ADGRF1: variants seen among roughly 807,000 people sequenced by gnomAD.
ADGRF1 encodes the protein adhesion G protein-coupled receptor F1, also known as G protein-coupled receptor 110.
A neutral mutation model predicts 87.2 loss-of-function variants in ADGRF1; 85 were observed. The observed-to-expected ratio is 0.97, with a 90% CI of 0.82 to 1.17. ADGRF1 has a LOEUF of 1.17. ADGRF1 is among the 50% of genes most tolerant of loss of function. ADGRF1 has a pLI of 0.00. For missense variants in ADGRF1, 1,169 were observed against 1,077.2 expected (o/e 1.09, Z -1.19); for synonymous variants, 430 against 408.8 (o/e 1.05, Z -0.63).
In ADGRF1 at chr6:47,009,151, C is replaced by T. The variant is rs200765159; in HGVS notation, c.2284G>A (p.Val762Met). Residue 762 changes from valine (V) to methionine (M), a missense_variant, in exon 11 of 15, where the codon GTG becomes ATG. Val to Met is a conservative substitution (Grantham distance 21). Transcript: ENST00000371253. Reference sequence around the variant, plus strand: ...CAGAGCTTTGTGAGAACTAGCAGCACCACAACGAAGTTCACAGCCACAATA... The same window carrying T: ...CAGAGCTTTGTGAGAACTAGCAGCATCACAACGAAGTTCACAGCCACAATA... ...LAIVAVNFVV[V>M]LLVLTKLWRP... 6.2e-7 allele frequency: 1 copy of T among 1,614,154 alleles called. No homozygotes were observed. The highest frequency in any genetic ancestry group is 2.2e-5 in the East Asian group (1 of 44,872).
At chr6:47,001,636 A>T (rs1170079570) in intron 13 of ADGRF1, 69 bp from the exon 14 acceptor site, 11 of 1,200,590 alleles carry the variant, frequency 9.2e-6, no homozygotes, top group Non-Finnish European at 1.4e-5. Context: ...GCATTTCCTG[A>T]CTTCCTGATG....
chr6:47,014,103 A>G (rs933753154), intron 9 of ADGRF1: 6 of 212,928 alleles, frequency 2.8e-5, no homozygotes, highest in African/African-American at 1.4e-4. Flanking sequence ...ACTAGGAATC[A>G]AGTGACCATG....
chr6:47,036,691 C>T (rs1021065611), intron 1 of ADGRF1, among the ~76,000 whole-genome samples: 1 of 152,194 alleles, frequency 6.6e-6, no homozygotes, highest in Non-Finnish European at 1.5e-5. Flanking sequence ...CCCACTAATT[C>T]TTTATGTTTC....
intron 1 of ADGRF1, among the ~76,000 whole-genome samples, chr6:47,039,816 G>C (rs1780685618): frequency 6.6e-6 from 1 of 152,040 alleles, no homozygotes; most frequent in East Asian, 1.9e-4. Flanking sequence ...ACAAAAATTA[G>C]CCAGGCGTAG....
At chr6:47,026,465 T>C (rs1780239525) in intron 3 of ADGRF1, among the ~76,000 whole-genome samples, 1 of 149,172 alleles carries the variant, frequency 6.7e-6, no homozygotes, top group Admixed American at 6.8e-5. Flanking sequence ...CCTGTGAAAA[T>C]ATTCCATTCG....
rs2113871535 is a variant in ADGRF1 at position 46,999,260 on chromosome 6, T to C, written c.*962A>G. On this transcript the variant is annotated 3_prime_UTR_variant, in exon 15 of 15. Transcript: ENST00000371253. ...TGTATTATGAAAGAAAATAAGGATG[T>C]TTTAAGGTACCTCCCTGGAAGCTGA... 6.6e-6 allele frequency: 1 copy of C among 152,314 alleles called. No individual in the cohort carries two copies. Among genetic ancestry groups the C allele is most frequent in the East Asian group, 1.9e-4 (1 of 5,186 alleles). 9.4% of individuals were successfully genotyped at this position (152,314 alleles called of 1,614,324 possible). A position where few individuals can be genotyped will look rare whatever the true frequency, so the allele number is the denominator to read the frequency against.
In ADGRF1 at chr6:47,000,413, T is replaced by C; in HGVS notation, c.2660-118A>G. 4.3e-6 allele frequency: 3 copies of C among 699,144 alleles called. No individual in the cohort carries two copies. In the South Asian group the frequency reaches 6.3e-5, roughly 15 times the overall value. 43.3% of individuals were successfully genotyped at this position (699,144 alleles called of 1,614,324 possible). On this transcript the variant is annotated intron_variant, in intron 14 of 14. Coordinates refer to ENST00000371253, the MANE Select transcript of ADGRF1 (RefSeq NM_153840.4). Reference sequence around the variant, plus strand: ...ACTAGGAACAGTTTTTAAAAGATTCTAGGTAAAGACAAAAAGACTGTGGTT... The same window carrying C: ...ACTAGGAACAGTTTTTAAAAGATTCCAGGTAAAGACAAAAAGACTGTGGTT...
intron 3 of ADGRF1, 138 bp downstream of exon 3, chr6:47,027,564 ACT>A (rs1204415285): frequency 3.3e-6 from 2 of 608,860 alleles, no homozygotes; most frequent in Admixed American, 6.1e-5. Context: ...CATAGGAATT[ACT>A]GTCATTCTCC....
chr6:47,022,984 G>T (rs1371127939), intron 5 of ADGRF1, among the ~76,000 whole-genome samples: 1 of 151,494 alleles, frequency 6.6e-6, no homozygotes, highest in Admixed American at 6.6e-5. Flanking sequence ...GCTAATTTTT[G>T]TATTTTTTGT....
Position 47,009,816 on chromosome 6 carries a change from C to G in ADGRF1, c.1619G>C (p.Ser540Thr). ...GCCTGCATCGTTCCACTGCAAATGA[C>G]TGAAATCCCAAAACACACAATGAGG... ...SQPHCVFWDF[S>T]HLQWNDAGCH... The change falls in exon 11 of 15, where the codon AGT (serine) becomes ACT (threonine). Residue 540 changes from serine (S) to threonine (T), a missense_variant. Coordinates refer to ENST00000371253, the MANE Select transcript of ADGRF1 (RefSeq NM_153840.4). 6.2e-7 allele frequency: 1 copy of G among 1,614,108 alleles called. No individual in the cohort carries two copies. Among genetic ancestry groups the G allele is most frequent in the Non-Finnish European group, 8.5e-7 (1 of 1,180,002 alleles).
At chr6:47,040,557 G>A (rs576719316) in intron 1 of ADGRF1, among the ~76,000 whole-genome samples, 3 of 150,714 alleles carry the variant, frequency 2.0e-5, no homozygotes, top group Admixed American at 2.0e-4. Context: ...AGGTTACACA[G>A]CACAGTTTCC....
intron 1 of ADGRF1, among the ~76,000 whole-genome samples, chr6:47,033,046 G>T (rs1780478138): frequency 6.6e-6 from 1 of 152,286 alleles, no homozygotes; most frequent in Admixed American, 6.5e-5. Flanking sequence ...AGCCGGAATG[G>T]TCCTGATTAT....
In ADGRF1 at chr6:47,000,218, T is replaced by TTGA. The variant is rs1779321353; in HGVS notation, c.*3_*4insTCA. 6.2e-7 allele frequency: 1 copy of TTGA among 1,606,084 alleles called. No homozygotes were observed. Among genetic ancestry groups the TTGA allele is most frequent in the African/African-American group, 1.3e-5 (1 of 74,802 alleles). On this transcript the variant is annotated 3_prime_UTR_variant, in exon 15 of 15. Transcript: ENST00000371253. ...ATTTTTTCTTGATTTTATGATTCCT[T>TTGA]GCCTTATTCATTTGAGACAAACTGA...
intron 13 of ADGRF1, among the ~76,000 whole-genome samples, chr6:47,005,562 A>C (rs967198945): frequency 6.6e-6 from 1 of 152,190 alleles, no homozygotes; most frequent in African/African-American, 2.4e-5. Context: ...TTCACTCACA[A>C]GCACCCACAG....
At position 47,029,056 on chromosome 6, in the gene ADGRF1, T is replaced by C. The variant is rs1780333520; in HGVS notation, c.6A>G (p.Lys2=). ...AAGAAATGAGCCACAGCACTCCAAC[T>C]TTCATTTTCCCTGGACTGAACAGCA... The part of the protein sequence containing the change: M[K]VGVLWLISFF... Residue 2 remains lysine, a synonymous_variant, in exon 2 of 15, where the codon AAA becomes AAG. Coordinates refer to ENST00000371253, the MANE Select transcript of ADGRF1 (RefSeq NM_153840.4). 1 of 1,614,010 alleles carries C rather than the reference T, an allele frequency of 6.2e-7. No homozygotes were observed.
chr6:47,004,413 G>A (rs1426204605), intron 13 of ADGRF1, among the ~76,000 whole-genome samples: 4 of 152,176 alleles, frequency 2.6e-5, no homozygotes, highest in Non-Finnish European at 4.4e-5. Flanking sequence ...ATGAAATTGG[G>A]GAGAAGGTAC....
intron 3 of ADGRF1, 113 bp from the exon 4 acceptor site, chr6:47,026,116 C>T: frequency 3.5e-6 from 3 of 869,328 alleles, no homozygotes; most frequent in Non-Finnish European, 5.2e-6. Flanking sequence ...TACCATGCTG[C>T]TTGTTCCTGA....
At position 47,024,366 on chromosome 6, in the gene ADGRF1, A is replaced by G. The variant is rs1275841382; in HGVS notation, c.278-149T>C. On this transcript the variant is annotated intron_variant, in intron 4 of 14. Coordinates refer to ENST00000371253, the MANE Select transcript of ADGRF1 (RefSeq NM_153840.4). The stretch of plus-strand genomic sequence containing the variant: ...GTTTTGTTTTGTTGCCTAGGCTAGA[A>G]TACAGTGGCATGATCTCAGCTCACT... 5 of 613,142 alleles carry G rather than the reference A, an allele frequency of 8.2e-6. No homozygotes were observed. The African/African-American group carries it at 9.3e-5, about 11-fold the overall frequency. The allele number at this position is 613,142 out of a possible 1,614,324, so 38.0% of individuals were successfully genotyped here.
At chr6:47,013,119 C>A (rs1779759140) in intron 9 of ADGRF1, 1 of 985,324 alleles carries the variant, frequency 1.0e-6, no homozygotes, top group African/African-American at 1.7e-5. Flanking sequence ...TCTACTTTTA[C>A]TACACCAGGC....
Sources: allele counts gnomAD v4.1 joint callset (sites outside exome capture counted in the v4.1 genomes callset), GRCh38; gene constraint gnomAD v4.1.1; transcripts MANE v1.5; gene names NCBI Gene and HGNC (gene_info 2026-07-23, HGNC 2026-07-21).